The following AGBL4 variants were observed in gnomAD, a reference collection of about 807,000 sequenced individuals.
AGBL4 encodes the protein AGBL carboxypeptidase 4.
AGBL4 carries 58 observed loss-of-function variants against 66.4 expected under a neutral mutation model. The observed-to-expected ratio is 0.87, with a 90% CI of 0.71 to 1.09. The LOEUF (loss-of-function observed/expected upper bound fraction) is 1.09. Ranked by LOEUF, AGBL4 falls within the 50% of genes least tolerant of loss-of-function variation. The pLI is 0.00. For synonymous variants in AGBL4, 234 were observed against 222.9 expected (o/e 1.05, Z -0.44); for missense variants, 579 against 631.0 (o/e 0.92, Z 0.88).
intron 3 of AGBL4, among the ~76,000 whole-genome samples, chr1:49,563,209 G>T (rs962205429): frequency 2.3e-5 from 2 of 85,608 alleles, no homozygotes; most frequent in African/African-American, 1.1e-4. Context: ...GAGATTTTGG[G>T]CTGAGACAAT....
At chr1:49,817,947 G>A (rs1201391943) in intron 2 of AGBL4, among the ~76,000 whole-genome samples, 1 of 152,120 alleles carries the variant, frequency 6.6e-6, no homozygotes, top group Non-Finnish European at 1.5e-5. Context: ...ATCACTTTGT[G>A]CATGTGCCAT....
At chr1:49,994,970 G>A in intron 1 of AGBL4, 3 of 365,036 alleles carry the variant, frequency 8.2e-6, no homozygotes, top group South Asian at 4.2e-5. Context: ...GGAAGCAGAG[G>A]AAAGAGCCCC....
At chr1:49,445,075 C>A (rs931336415) in intron 3 of AGBL4, among the ~76,000 whole-genome samples, 5 of 151,528 alleles carry the variant, frequency 3.3e-5, no homozygotes, top group Non-Finnish European at 7.4e-5. Context: ...TCATCATTTG[C>A]TTGTCTGAGA....
intron 3 of AGBL4, among the ~76,000 whole-genome samples, chr1:49,681,885 T>A (rs1250410469): frequency 6.6e-6 from 1 of 152,188 alleles, no homozygotes; most frequent in African/African-American, 2.4e-5. Flanking sequence ...GCCTTTTTAA[T>A]ATGGAAGTTT....
chr1:49,262,222 G>C (rs1047721740), intron 3 of AGBL4, among the ~76,000 whole-genome samples: 1 of 152,128 alleles, frequency 6.6e-6, no homozygotes, highest in Non-Finnish European at 1.5e-5. Context: ...AGAAAACCTA[G>C]GCATTACCAT....
chr1:49,919,955 C>A (rs987715676), intron 1 of AGBL4, among the ~76,000 whole-genome samples: 9 of 152,176 alleles, frequency 5.9e-5, no homozygotes, highest in Non-Finnish European at 7.3e-5. Flanking sequence ...ACTATCTGAT[C>A]TTTGACAAAC....
Position 48,549,541 on chromosome 1 carries a change from A to G in AGBL4, c.1268-9803T>C, listed in dbSNP as rs750374456. On this transcript the variant is annotated intron_variant, in intron 11 of 13. Coordinates refer to ENST00000371839, the MANE Select transcript of AGBL4 (RefSeq NM_032785.4). ...GATTAGAGGGTCAGGGAGAGACAGC[A>G]GGAGAGAGGAAGAGACAAAGAGGCC... is the stretch of plus-strand genomic sequence containing the variant. Among the ~76,000 whole-genome samples the G allele has an allele frequency of 1.2e-4, 19 of 152,264 alleles. 1 individual carries two copies. Among genetic ancestry groups the G allele is most frequent in the Middle Eastern group, 3.4e-3 (1 of 294 alleles).
At chr1:49,503,896 C>A (rs575766685) in intron 3 of AGBL4, among the ~76,000 whole-genome samples, 1 of 152,152 alleles carries the variant, frequency 6.6e-6, no homozygotes, top group East Asian at 1.9e-4. Context: ...TGGTTTAATG[C>A]TGGAATGCAT....
chr1:49,212,496 G>C (rs1434773237), intron 4 of AGBL4, among the ~76,000 whole-genome samples: 1 of 152,122 alleles, frequency 6.6e-6, no homozygotes, highest in African/African-American at 2.4e-5. Context: ...CTAGAATATA[G>C]ATTAGATAAC....
chr1:49,209,307 T>C (rs964398367), intron 4 of AGBL4, among the ~76,000 whole-genome samples: 1 of 152,114 alleles, frequency 6.6e-6, no homozygotes, highest in Admixed American at 6.6e-5. Context: ...ATTTTCTTCC[T>C]AAATTATATT....
chr1:48,862,306 A>T (rs1647548078), intron 6 of AGBL4, among the ~76,000 whole-genome samples: 1 of 151,982 alleles, frequency 6.6e-6, no homozygotes, highest in African/African-American at 2.4e-5. Flanking sequence ...TTCCCCTAAG[A>T]TAGTTTTGGG....
At chr1:49,640,458 C>T (rs1255973733) in intron 3 of AGBL4, among the ~76,000 whole-genome samples, 1 of 152,094 alleles carries the variant, frequency 6.6e-6, no homozygotes, top group African/African-American at 2.4e-5. Flanking sequence ...ATCTTTTTCC[C>T]TCAGAGTGTT....
intron 2 of AGBL4, among the ~76,000 whole-genome samples, chr1:49,816,163 C>G (rs1025705242): frequency 6.6e-6 from 1 of 152,080 alleles, no homozygotes; most frequent in African/African-American, 2.4e-5. Flanking sequence ...TTGAGATTAC[C>G]TGAGGCAGCA....
At chr1:49,328,356 G>A (rs1355119647) in intron 3 of AGBL4, among the ~76,000 whole-genome samples, 1 of 152,168 alleles carries the variant, frequency 6.6e-6, no homozygotes, top group Non-Finnish European at 1.5e-5. Flanking sequence ...CTGGAATGAA[G>A]AAACATGGAA....
intron 2 of AGBL4, among the ~76,000 whole-genome samples, chr1:49,774,552 A>G (rs182708146): frequency 6.6e-6 from 1 of 152,332 alleles, no homozygotes; most frequent in East Asian, 1.9e-4. Flanking sequence ...ACTGCCTAAA[A>G]ATCTTTATCT....
At chr1:49,059,228 A>C (rs1242169743) in intron 4 of AGBL4, among the ~76,000 whole-genome samples, 1 of 152,228 alleles carries the variant, frequency 6.6e-6, no homozygotes, top group Non-Finnish European at 1.5e-5. Context: ...GCCTTGGGAC[A>C]TGGTGTCCTG....
intron 5 of AGBL4, among the ~76,000 whole-genome samples, chr1:48,963,317 C>G (rs1658155193): frequency 1.3e-5 from 2 of 152,046 alleles, no homozygotes; most frequent in Admixed American, 1.3e-4. Flanking sequence ...TTAATACTGT[C>G]ACAATGGCAC....
intron 3 of AGBL4, among the ~76,000 whole-genome samples, chr1:49,463,658 C>G (rs1370104529): frequency 1.3e-5 from 2 of 151,618 alleles, no homozygotes; most frequent in South Asian, 4.2e-4. Context: ...AGTAATTAAG[C>G]TGGGAAAGGG....
chr1:49,428,392 T>C (rs920126182), intron 3 of AGBL4, among the ~76,000 whole-genome samples: 1 of 152,200 alleles, frequency 6.6e-6, no homozygotes, highest in Non-Finnish European at 1.5e-5. Context: ...TTGGGTTCCA[T>C]TGTAGCATTT....
Sources: gnomAD v4.1 joint callset for allele counts (sites outside exome capture counted in the v4.1 genomes callset) on GRCh38, gnomAD v4.1.1 for gene constraint, MANE v1.5 for transcripts, NCBI Gene and HGNC (gene_info 2026-07-23, HGNC 2026-07-21) for gene names.